The following SNTG1 variants were observed in gnomAD, a reference collection of about 807,000 sequenced individuals.
SNTG1 encodes syntrophin gamma 1.
In SNTG1, 39 loss-of-function variants were observed where a neutral mutation model predicts 74.7. That is an observed-to-expected ratio of 0.52 (90% CI 0.40 to 0.68). SNTG1 has a LOEUF of 0.68. Ranked by LOEUF, SNTG1 falls within the 30% of genes least tolerant of loss-of-function variation. The pLI, the probability that SNTG1 is intolerant of heterozygous loss-of-function variation, is 0.00. For missense variants in SNTG1, 685 were observed against 609.5 expected (o/e 1.12, Z -1.30); for synonymous variants, 254 against 217.1 (o/e 1.17, Z -1.49).
chr8:50,763,856 A>AACACAC (rs59221694), intron 18 of SNTG1, among the ~76,000 whole-genome samples: 16 of 103,426 alleles, frequency 1.5e-4, no homozygotes, highest in Admixed American at 5.6e-4. Flanking sequence ...TTAATACAGA[A>AACACAC]ACACACACAC....
chr8:50,668,834 T>C (rs943994574), intron 15 of SNTG1, among the ~76,000 whole-genome samples: 3 of 152,186 alleles, frequency 2.0e-5, no homozygotes, highest in African/African-American at 7.2e-5. Flanking sequence ...GGCTATGTAG[T>C]ATTCCATGGT....
intron 2 of SNTG1, 112 bp downstream of exon 2, chr8:50,172,747 A>T (rs1012050160): frequency 3.4e-5 from 5 of 147,758 alleles, no homozygotes; most frequent in African/African-American, 1.3e-4. Context: ...AATCTTTTTG[A>T]AGCTTCTTTC....
chr8:50,424,000 C>A (rs139364988), intron 4 of SNTG1, among the ~76,000 whole-genome samples: 8 of 152,108 alleles, frequency 5.3e-5, no homozygotes, highest in East Asian at 1.9e-4. Context: ...ACTGATGGAA[C>A]CTGTGTTTAA....
intron 2 of SNTG1, among the ~76,000 whole-genome samples, chr8:50,250,441 T>C (rs1276894804): frequency 6.6e-6 from 1 of 152,166 alleles, no homozygotes; most frequent in Non-Finnish European, 1.5e-5. Context: ...AGGGGAGATA[T>C]GGACATCCAT....
At position 50,795,986 on chromosome 8, in the gene SNTG1, G is replaced by A. The variant is rs1342727682; in HGVS notation, c.*3157G>A. The A allele has an allele frequency of 6.6e-6, 1 of 151,900 alleles. No homozygotes were observed. The highest frequency in any genetic ancestry group is 1.5e-5 in the Non-Finnish European group (1 of 67,932). 9.4% of individuals were successfully genotyped at this position (151,900 alleles called of 1,614,324 possible). A position where few individuals can be genotyped will look rare whatever the true frequency, so the allele number is the denominator to read the frequency against. The stretch of plus-strand genomic sequence containing the variant: ...GCTGTCATTCAGCAAGAAAAAGAAA[G>A]CAATTACTTGAAAATAAATGTCAAG... On this transcript the variant is annotated 3_prime_UTR_variant, in exon 19 of 19. Coordinates refer to ENST00000642720, the MANE Select transcript of SNTG1 (RefSeq NM_018967.5).
At chr8:50,422,068 C>T (rs774331307) in intron 4 of SNTG1, among the ~76,000 whole-genome samples, 19 of 152,202 alleles carry the variant, frequency 1.2e-4, no homozygotes, top group Non-Finnish European at 2.2e-4. Context: ...GACCTGGAAA[C>T]GGCATGGAAA....
At chr8:50,611,757 T>A (rs2094851460) in intron 13 of SNTG1, among the ~76,000 whole-genome samples, 1 of 152,118 alleles carries the variant, frequency 6.6e-6, no homozygotes, top group East Asian at 1.9e-4. Context: ...ACTCCGTTTT[T>A]TAAATTTACT....
chr8:50,217,309 G>T (rs1311942279), intron 2 of SNTG1, among the ~76,000 whole-genome samples: 1 of 151,952 alleles, frequency 6.6e-6, no homozygotes, highest in Non-Finnish European at 1.5e-5. Flanking sequence ...GATGAAAGAA[G>T]TATTAATGAA....
At chr8:50,045,545 AG>A (rs1020441941) in intron 1 of SNTG1, among the ~76,000 whole-genome samples, 3 of 152,130 alleles carry the variant, frequency 2.0e-5, no homozygotes, top group Admixed American at 1.3e-4. Context: ...CATAAGATTT[AG>A]GGGGGACAAC....
intron 8 of SNTG1, among the ~76,000 whole-genome samples, chr8:50,465,204 C>T (rs1487123871): frequency 6.6e-6 from 1 of 152,130 alleles, no homozygotes; most frequent in Admixed American, 6.6e-5. Context: ...CTCATTCTAA[C>T]AAATGGTTAT....
intron 12 of SNTG1, among the ~76,000 whole-genome samples, chr8:50,560,041 T>C (rs888064718): frequency 2.0e-5 from 3 of 151,752 alleles, no homozygotes. Flanking sequence ...CAAAAATACG[T>C]TAAAAAGTGG....
At chr8:50,209,063 CA>C (rs2084384528) in intron 2 of SNTG1, among the ~76,000 whole-genome samples, 1 of 152,276 alleles carries the variant, frequency 6.6e-6, no homozygotes, top group Admixed American at 6.5e-5. Context: ...AATGGCACAT[CA>C]GGAGATTATA....
chr8:50,638,638 A>T (rs1301983194), intron 13 of SNTG1, among the ~76,000 whole-genome samples: 1 of 152,092 alleles, frequency 6.6e-6, no homozygotes, highest in African/African-American at 2.4e-5. Context: ...GTTACTTTTG[A>T]GGTTTTAAGG....
intron 2 of SNTG1, among the ~76,000 whole-genome samples, chr8:50,363,101 T>C (rs767023385): frequency 2.0e-5 from 3 of 152,152 alleles, no homozygotes; most frequent in Non-Finnish European, 4.4e-5. Flanking sequence ...TAAATAATGG[T>C]CTTTTTTTCA....
intron 18 of SNTG1, among the ~76,000 whole-genome samples, chr8:50,770,000 T>C (rs990534474): frequency 6.6e-6 from 1 of 152,002 alleles, no homozygotes; most frequent in Non-Finnish European, 1.5e-5. Flanking sequence ...AATAAACCAA[T>C]AATCCAAATC....
chr8:50,623,390 G>C (rs755902620), intron 13 of SNTG1, among the ~76,000 whole-genome samples: 1 of 152,084 alleles, frequency 6.6e-6, no homozygotes, highest in Non-Finnish European at 1.5e-5. Context: ...TCATAAAAGG[G>C]TGTTGAATTT....
At chr8:50,450,625 G>A (rs1267679885) in intron 7 of SNTG1, 26 bp downstream of exon 7, 2 of 1,613,056 alleles carry the variant, frequency 1.2e-6, no homozygotes, top group South Asian at 1.1e-5. Flanking sequence ...CTATATGTGT[G>A]GTCAAAACAT....
intron 1 of SNTG1, among the ~76,000 whole-genome samples, chr8:50,055,674 C>A (rs906309359): frequency 5.3e-5 from 8 of 152,014 alleles, no homozygotes; most frequent in African/African-American, 9.7e-5. Context: ...GAGGAAGCAG[C>A]GCTTGTCTTT....
intron 18 of SNTG1, among the ~76,000 whole-genome samples, chr8:50,778,852 C>A (rs1158522331): frequency 6.6e-6 from 1 of 151,954 alleles, no homozygotes; most frequent in Non-Finnish European, 1.5e-5. Flanking sequence ...ACATTTAAGT[C>A]TTTAATCCAT....
Sources: allele counts gnomAD v4.1 joint callset (sites outside exome capture counted in the v4.1 genomes callset), GRCh38; gene constraint gnomAD v4.1.1; transcripts MANE v1.5; gene names NCBI Gene and HGNC (gene_info 2026-07-23, HGNC 2026-07-21).